Variants in RASGRF2 observed in about 807,000 individuals in gnomAD.
RASGRF2 encodes the protein ras-specific guanine nucleotide-releasing factor 2.
A neutral mutation model predicts 151.0 loss-of-function variants in RASGRF2; 76 were observed. The ratio of observed to expected loss-of-function variants is 0.50; its 90% confidence interval spans 0.42 to 0.61. The LOEUF is 0.61. Ranked by LOEUF, RASGRF2 falls within the 20% of genes least tolerant of loss-of-function variation. The pLI, the probability that RASGRF2 is intolerant of heterozygous loss-of-function variation, is 0.00. For synonymous variants in RASGRF2, 504 were observed against 566.5 expected (o/e 0.89, Z 1.57); for missense variants, 1,148 against 1,564.6 (o/e 0.73, Z 4.49).
chr5:81,039,722 A>G (rs1193339212), intron 1 of RASGRF2, among the ~76,000 whole-genome samples: 2 of 151,410 alleles, frequency 1.3e-5, no homozygotes, highest in Non-Finnish European at 1.5e-5. Flanking sequence ...ATAACTTACC[A>G]TATGTATAGG....
At chr5:81,157,592 A>G (rs1754291875) in intron 17 of RASGRF2, among the ~76,000 whole-genome samples, 1 of 152,212 alleles carries the variant, frequency 6.6e-6, no homozygotes, top group South Asian at 2.1e-4. Flanking sequence ...CACTGCTATG[A>G]AGAAATATTC....
chr5:81,024,500 C>T (rs13176011), intron 1 of RASGRF2, among the ~76,000 whole-genome samples: 37,939 of 151,412 alleles, frequency 0.25, 5,093 homozygotes, highest in African/African-American at 0.32. Flanking sequence ...CCTCAGGTGA[C>T]CCACCCACCT....
intron 2 of RASGRF2, among the ~76,000 whole-genome samples, chr5:81,053,054 G>A (rs1046639200): frequency 6.6e-6 from 1 of 152,002 alleles, no homozygotes; most frequent in Non-Finnish European, 1.5e-5. Context: ...AAGAAAGTAT[G>A]ATAATTACTT....
chr5:81,113,040 CACGAAGTT>C (rs1753045456), intron 14 of RASGRF2, among the ~76,000 whole-genome samples, 182 bp downstream of exon 14: 1 of 152,162 alleles, frequency 6.6e-6, no homozygotes, highest in Admixed American at 6.5e-5. Context: ...GTTCCCCAGG[CACGAAGTT>C]GAAAACCTGA....
In RASGRF2 at chr5:81,015,173, C is replaced by G. The variant is rs537713794; in HGVS notation, c.289-27704C>G. 1.0e-3 allele frequency among the ~76,000 whole-genome samples: 154 copies of G among 152,268 alleles called. 1 individual carries two copies. The highest frequency in any genetic ancestry group is 3.1e-3 in the African/African-American group (129 of 41,574). On this transcript the variant is annotated intron_variant, in intron 1 of 26. Coordinates refer to ENST00000265080, the MANE Select transcript of RASGRF2 (RefSeq NM_006909.3). ...TATTTCAATCGGCACACTACACTTTCCAACTCTAGATTTTATTATTTTTAA... is the reference window on the plus strand; with the variant it reads ...TATTTCAATCGGCACACTACACTTTGCAACTCTAGATTTTATTATTTTTAA...
chr5:81,213,649 G>A (rs1430440376), intron 23 of RASGRF2, among the ~76,000 whole-genome samples: 1 of 152,090 alleles, frequency 6.6e-6, no homozygotes, highest in Non-Finnish European at 1.5e-5. Flanking sequence ...TGCCCTCCAA[G>A]CTTTTCCCTT....
At position 81,211,872 on chromosome 5, in the gene RASGRF2, T is replaced by G. The variant is rs560944132; in HGVS notation, c.3157-494T>G. Reference sequence around the variant, plus strand: ...TCCTTGCAGCCAAGTGATTCTGGTTTGAGAGTTAATCAGCTCAGAATTTGA... The same window carrying G: ...TCCTTGCAGCCAAGTGATTCTGGTTGGAGAGTTAATCAGCTCAGAATTTGA... On this transcript the variant is annotated intron_variant, in intron 22 of 26. Transcript: ENST00000265080. Among the ~76,000 whole-genome samples the G allele has an allele frequency of 3.2e-4, 48 of 152,342 alleles. No homozygotes were observed. In the South Asian group the frequency reaches 9.5e-3, roughly 30 times the overall value.
chr5:81,022,448 G>A (rs545483705), intron 1 of RASGRF2, among the ~76,000 whole-genome samples: 75 of 152,296 alleles, frequency 4.9e-4, no homozygotes, highest in Middle Eastern at 6.8e-3. Context: ...CACCCATATT[G>A]TCATGAGGCT....
chr5:81,174,293 G>T (rs1427738010), intron 17 of RASGRF2, among the ~76,000 whole-genome samples: 1 of 152,224 alleles, frequency 6.6e-6, no homozygotes, highest in Non-Finnish European at 1.5e-5. Flanking sequence ...AGGAGAATGT[G>T]TCATTAATAT....
At chr5:81,162,386 T>G (rs1754404873) in intron 17 of RASGRF2, among the ~76,000 whole-genome samples, 1 of 152,174 alleles carries the variant, frequency 6.6e-6, no homozygotes, top group Non-Finnish European at 1.5e-5. Flanking sequence ...CTCACTCTTT[T>G]GTCCAGGCTA....
chr5:81,153,012 A>C (rs144437847), intron 17 of RASGRF2, among the ~76,000 whole-genome samples: 288 of 152,306 alleles, frequency 1.9e-3, no homozygotes, highest in African/African-American at 6.5e-3. Flanking sequence ...AACTAGCCTG[A>C]AGTTGTGATT....
Position 81,010,479 on chromosome 5 carries a change from C to T in RASGRF2, c.289-32398C>T, listed in dbSNP as rs80300938. 6.1e-3 allele frequency among the ~76,000 whole-genome samples: 927 copies of T among 152,144 alleles called. 7 individuals are homozygous for T. The highest frequency in any genetic ancestry group is 0.022 in the African/African-American group (902 of 41,498). On this transcript the variant is annotated intron_variant, in intron 1 of 26. Transcript: ENST00000265080. Reference sequence around the variant, plus strand: ...AGTGTGGTGTGAGCTCAATGAAAAACGCATTACTCTGGAGAGTTCGAGAGA... The same window carrying T: ...AGTGTGGTGTGAGCTCAATGAAAAATGCATTACTCTGGAGAGTTCGAGAGA...
rs371224499 is a variant in RASGRF2, at chr5:81,113,513, T to C, written c.2088-25T>C. ...TTCATTTCACTTGGCTACAATCTCT[T>C]AGCCACTTTTGCTCTCATTTTTAGG... On this transcript the variant is annotated intron_variant, in intron 14 of 26. Transcript: ENST00000265080. The C allele has an allele frequency of 5.7e-6, 9 of 1,577,520 alleles. No individual in the cohort carries two copies. In the African/African-American group the frequency reaches 1.2e-4, roughly 21 times the overall value.
At chr5:81,119,959 TG>T (rs553256259) in intron 15 of RASGRF2, among the ~76,000 whole-genome samples, 174 of 152,254 alleles carry the variant, frequency 1.1e-3, no homozygotes, top group African/African-American at 4.0e-3. Flanking sequence ...CTCTGGGTAA[TG>T]GAGAAAGTCC....
At chr5:81,034,365 T>C (rs1278919931) in intron 1 of RASGRF2, among the ~76,000 whole-genome samples, 2 of 152,106 alleles carry the variant, frequency 1.3e-5, no homozygotes, top group African/African-American at 2.4e-5. Context: ...GGTAAACTAG[T>C]TCAACCATTG....
chr5:81,127,923 C>CAA (rs60196392), intron 17 of RASGRF2, among the ~76,000 whole-genome samples: 1,949 of 64,544 alleles, frequency 0.03, 121 homozygotes, highest in African/African-American at 0.097. Flanking sequence ...GACTCCGTCT[C>CAA]AAAAAAAAAA....
intron 2 of RASGRF2, among the ~76,000 whole-genome samples, chr5:81,067,282 C>G (rs2112450856): frequency 6.6e-6 from 1 of 152,200 alleles, no homozygotes. Flanking sequence ...GAAGAATATC[C>G]ATTTCATCAT....
intron 1 of RASGRF2, among the ~76,000 whole-genome samples, chr5:81,018,801 A>ATT (rs1749726028): frequency 8.1e-6 from 1 of 123,318 alleles, no homozygotes; most frequent in African/African-American, 3.3e-5. Context: ...GTCCATCTGC[A>ATT]CTTTTTTTTT....
At chr5:81,199,465 C>T (rs529667602) in intron 18 of RASGRF2, among the ~76,000 whole-genome samples, 1 of 152,272 alleles carries the variant, frequency 6.6e-6, no homozygotes, top group South Asian at 2.1e-4. Context: ...CAGATTCTCC[C>T]TTTGTAATTA....
Sources: allele counts gnomAD v4.1 joint callset (sites outside exome capture counted in the v4.1 genomes callset), GRCh38; gene constraint gnomAD v4.1.1; transcripts MANE v1.5; gene names NCBI Gene and HGNC (gene_info 2026-07-23, HGNC 2026-07-21).